STEEP1: variants seen among roughly 807,000 people sequenced by gnomAD.
STEEP1 encodes the protein STING ER exit protein.
STEEP1 carries 3 observed loss-of-function variants against 19.2 expected under a neutral mutation model. The ratio of observed to expected loss-of-function variants is 0.16; its 90% confidence interval spans 0.07 to 0.40. The LOEUF (loss-of-function observed/expected upper bound fraction) is 0.40, where lower values mean the gene tolerates loss of function less well. Among genes scored for constraint, STEEP1 ranks in the 10% least tolerant of loss-of-function variants. The probability of loss-of-function intolerance (pLI) is 0.99; values close to 1 mark genes in which losing one functional copy is unlikely to be tolerated. For synonymous variants in STEEP1, 46 were observed against 63.7 expected (o/e 0.72, Z 1.32); for missense variants, 54 against 177.1 (o/e 0.30, Z 3.94).
At chrX:119,562,270 G>A (rs760690022) in intron 1 of STEEP1, among the ~76,000 whole-genome samples, 58 of 111,552 alleles carry the variant, frequency 5.2e-4, no homozygotes, top group Middle Eastern at 4.2e-3. Flanking sequence ...GGTTGCTCAC[G>A]TCTGTAATCC....
intron 4 of STEEP1, among the ~76,000 whole-genome samples, chrX:119,543,438 C>T (rs993971270): frequency 9.1e-5 from 10 of 110,325 alleles, no homozygotes; most frequent in Admixed American, 1.9e-4. Flanking sequence ...CCGCCCACCT[C>T]GGCCTCCCAA....
chrX:119,544,424 C>A lies in STEEP1; in HGVS notation c.352G>T (p.Ala118Ser). 8.3e-7 allele frequency: 1 copy of A among 1,208,983 alleles called. No homozygotes were observed. Reference sequence around the variant, plus strand: ...AAGCCCTGGCCAAACTTGACTACTGCTCCATCCACAATGAAGGTAACAGGA... The same window carrying A: ...AAGCCCTGGCCAAACTTGACTACTGATCCATCCACAATGAAGGTAACAGGA... ...NAPVTFIVDG[A>S]VVKFGQGFGK... The change falls in exon 4 of 7, where the codon GCA (alanine) becomes TCA (serine). Residue 118 changes from alanine (A) to serine (S), a missense_variant. Physicochemically the swap from Ala to Ser is moderately conservative, Grantham distance 99 (BLOSUM62 1). Transcript: ENST00000644802.
intron 2 of STEEP1, among the ~76,000 whole-genome samples, chrX:119,549,515 G>A (rs1309187827): frequency 9.0e-6 from 1 of 111,218 alleles, no homozygotes; most frequent in Non-Finnish European, 1.9e-5. Flanking sequence ...CCTAATAAAG[G>A]GCATCTCTGA....
intron 4 of STEEP1, among the ~76,000 whole-genome samples, chrX:119,543,294 TCTCCTGCCTCAGC>T (rs1234334036): frequency 1.8e-5 from 2 of 109,994 alleles, no homozygotes; most frequent in African/African-American, 6.6e-5. Context: ...TTCAAGCGAT[TCTCCTGCCTCAGC>T]CTCCTGAGTA....
intron 4 of STEEP1, among the ~76,000 whole-genome samples, chrX:119,544,008 C>A (rs1042168479): frequency 1.8e-5 from 2 of 110,945 alleles, no homozygotes; most frequent in African/African-American, 6.5e-5. Context: ...AAAAATGGCA[C>A]CCGATTAATA....
intron 6 of STEEP1, among the ~76,000 whole-genome samples, chrX:119,540,506 T>C (rs981048672): frequency 9.0e-6 from 1 of 111,118 alleles, no homozygotes; most frequent in African/African-American, 3.3e-5. Flanking sequence ...CATAGTGATA[T>C]CTGATTTTGA....
intron 2 of STEEP1, among the ~76,000 whole-genome samples, chrX:119,558,410 G>A (rs1050609533): frequency 3.6e-5 from 4 of 111,007 alleles, no homozygotes; most frequent in Admixed American, 2.9e-4. Context: ...GGTGGCAGGC[G>A]CCTGTAGTCC....
chrX:119,550,640 A>C (rs1017489683), intron 2 of STEEP1, among the ~76,000 whole-genome samples: 21 of 112,112 alleles, frequency 1.9e-4, no homozygotes, highest in African/African-American at 6.8e-4. Context: ...AAATCTTCAT[A>C]TGCTTGGATT....
chrX:119,564,014 T>G (rs2053339479), intron 1 of STEEP1, among the ~76,000 whole-genome samples: 1 of 111,495 alleles, frequency 9.0e-6, no homozygotes, highest in Non-Finnish European at 1.9e-5. Flanking sequence ...AATAGGCAAT[T>G]GGAGTCTCAG....
At chrX:119,540,688 C>A (rs2053156558) in intron 6 of STEEP1, among the ~76,000 whole-genome samples, 1 of 112,375 alleles carries the variant, frequency 8.9e-6, no homozygotes, top group Non-Finnish European at 1.9e-5. Context: ...GCCATTACAT[C>A]CTGGGACAAC....
At chrX:119,563,912 G>A (rs780914821) in intron 1 of STEEP1, among the ~76,000 whole-genome samples, 4 of 111,581 alleles carry the variant, frequency 3.6e-5, no homozygotes, top group Non-Finnish European at 7.5e-5. Context: ...ACTATAAGAG[G>A]AGCAATTGGA....
At chrX:119,564,173 G>A (rs1287435466) in intron 1 of STEEP1, among the ~76,000 whole-genome samples, 1 of 111,307 alleles carries the variant, frequency 9.0e-6, no homozygotes, top group East Asian at 2.8e-4. Flanking sequence ...ATGCCTAAAA[G>A]TCTGAGAGAG....
intron 2 of STEEP1, among the ~76,000 whole-genome samples, chrX:119,548,772 T>G (rs1167933075): frequency 9.0e-6 from 1 of 111,281 alleles, no homozygotes; most frequent in African/African-American, 3.3e-5. Context: ...CTCATGCTCA[T>G]TGCAGCATTA....
At chrX:119,557,155 C>CAAAAAAAAAAAA (rs61087266) in intron 2 of STEEP1, among the ~76,000 whole-genome samples, 9 of 47,737 alleles carry the variant, frequency 1.9e-4, no homozygotes, top group African/African-American at 3.6e-4. Flanking sequence ...GACTCTATCT[C>CAAAAAAAAAAAA]AAAAAAAAAA....
In STEEP1 at chrX:119,544,443, A is replaced by T; in HGVS notation, c.333T>A (p.Val111=). ...FYQSQPKNAP[V]TFIVDGAVVK... The stretch of plus-strand genomic sequence containing the variant: ...CTACTGCTCCATCCACAATGAAGGT[A>T]ACAGGAGCATTCTTTGGCTGGGATT... The change falls in exon 4 of 7, where the codon GTT becomes GTA. Residue 111 remains valine (V), a synonymous_variant. Transcript: ENST00000644802. 1 of 1,209,511 alleles carries T rather than the reference A, an allele frequency of 8.3e-7. No homozygotes were observed. Among genetic ancestry groups the T allele is most frequent in the Non-Finnish European group, 1.1e-6 (1 of 893,399 alleles).
At chrX:119,540,633 A>G (rs1283873403) in intron 6 of STEEP1, among the ~76,000 whole-genome samples, 1 of 112,797 alleles carries the variant, frequency 8.9e-6, no homozygotes, top group African/African-American at 3.2e-5. Context: ...TTAAGAAGCA[A>G]TGACCAGCCC....
At chrX:119,562,687 C>CAAA (rs199872289) in intron 1 of STEEP1, among the ~76,000 whole-genome samples, 1 of 88,216 alleles carries the variant, frequency 1.1e-5, no homozygotes, top group African/African-American at 4.1e-5. Context: ...GACACTGTTT[C>CAAA]AAAAAAAAAA....
chrX:119,553,932 G>C (rs2053261536), intron 2 of STEEP1, among the ~76,000 whole-genome samples: 1 of 112,120 alleles, frequency 8.9e-6, no homozygotes, highest in Admixed American at 9.5e-5. Flanking sequence ...TCTGTCCTAA[G>C]GGTTTCAGAA....
intron 6 of STEEP1, among the ~76,000 whole-genome samples, chrX:119,540,068 C>T (rs775160550): frequency 8.9e-6 from 1 of 111,764 alleles, no homozygotes; most frequent in East Asian, 2.8e-4. Context: ...GCGCCCCCCA[C>T]AGGCTGAGGG....
Sources: allele counts gnomAD v4.1 joint callset (sites outside exome capture counted in the v4.1 genomes callset), GRCh38; gene constraint gnomAD v4.1.1; transcripts MANE v1.5; gene names NCBI Gene and HGNC (gene_info 2026-07-23, HGNC 2026-07-21).